The following CACNA1S variants were observed in gnomAD, a reference collection of about 807,000 sequenced individuals.
CACNA1S encodes voltage-dependent L-type calcium channel subunit alpha-1S.
In CACNA1S, 126 loss-of-function variants were observed where a neutral mutation model predicts 207.4. The ratio of observed to expected loss-of-function variants is 0.61; its 90% CI spans 0.53 to 0.70. The LOEUF (loss-of-function observed/expected upper bound fraction) is 0.70. Among genes scored for constraint, CACNA1S ranks in the 30% least tolerant of loss-of-function variants. The pLI is 0.00. For missense variants in CACNA1S, 2,349 were observed against 2,422.8 expected (o/e 0.97, Z 0.64); for synonymous variants, 960 against 932.7 (o/e 1.03, Z -0.53).
At chr1:201,110,683 G>A (rs752062873) in intron 1 of CACNA1S, among the ~76,000 whole-genome samples, 3 of 152,226 alleles carry the variant, frequency 2.0e-5, no homozygotes, top group Non-Finnish European at 4.4e-5. Context: ...TGGCATGGGA[G>A]GGTAAGGGTT....
At chr1:201,072,636 T>C in intron 16 of CACNA1S, 119 bp downstream of exon 16, 1 of 788,972 alleles carries the variant, frequency 1.3e-6, no homozygotes, top group Non-Finnish European at 2.3e-6. Context: ...TGTTCTGATC[T>C]CCACATGGAG....
intron 12 of CACNA1S, 60 bp downstream of exon 12, chr1:201,076,860 G>A: frequency 1.4e-6 from 2 of 1,480,384 alleles, no homozygotes; most frequent in East Asian, 2.3e-5. Context: ...TGATCTTGAA[G>A]GACAAGAAGC....
Position 201,066,213 on chromosome 1 carries a change from C to T in CACNA1S, c.2745+16G>A. The T allele has an allele frequency of 2.5e-6, 4 of 1,611,986 alleles. No individual in the cohort carries two copies. The South Asian group carries it at 4.4e-5, about 18-fold the overall frequency. ...TCCCATTCCTCTCTGGGGCTCCTGC[C>T]CGGGCCCTCTCTCACCTTCAACCCC... On this transcript the variant is annotated intron_variant, in intron 21 of 43. Transcript: ENST00000362061. This position sits in a 1 kb window ranked among gnomAD's most constrained non-coding sequence, Gnocchi z 4.3.
At chr1:201,044,162 G>A (rs1284089605) in intron 39 of CACNA1S, among the ~76,000 whole-genome samples, 166 bp downstream of exon 39, 1 of 151,362 alleles carries the variant, frequency 6.6e-6, no homozygotes, top group Non-Finnish European at 1.5e-5. Context: ...TCAGGTCATT[G>A]ATTCTGAGTC....
intron 17 of CACNA1S, 78 bp downstream of exon 17, chr1:201,070,194 C>A: frequency 6.6e-7 from 1 of 1,511,954 alleles, no homozygotes; most frequent in Non-Finnish European, 9.2e-7. Context: ...CATGGAGAGT[C>A]AGACAGGGTT....
chr1:201,073,827 C>T (rs367970734), intron 14 of CACNA1S, among the ~76,000 whole-genome samples, 185 bp from the exon 15 acceptor site: 3 of 152,124 alleles, frequency 2.0e-5, no homozygotes, highest in Non-Finnish European at 2.9e-5. Flanking sequence ...TGAGAGGGCC[C>T]GACACACAGC....
chr1:201,091,218 G>T (rs1662216305), intron 5 of CACNA1S, among the ~76,000 whole-genome samples: 1 of 152,154 alleles, frequency 6.6e-6, no homozygotes, highest in Admixed American at 6.5e-5. Context: ...GCTCTTGGGT[G>T]TTTTTTCTGA....
In CACNA1S at chr1:201,066,277, C is replaced by T; in HGVS notation, c.2697G>A (p.Leu899=). 1.2e-6 allele frequency: 2 copies of T among 1,613,362 alleles called. No homozygotes were observed. Among genetic ancestry groups the T allele is most frequent in the Non-Finnish European group, 8.5e-7 (1 of 1,179,972 alleles). ...TGGCTCTGAGTGGTCGGAGCACCCT[C>T]AGCACCCTCAGGATCTTCACCACGG... ...AISVVKILRV[L]RVLRPLRAIN... Residue 899 remains leucine (L), a synonymous_variant, in exon 21 of 44, where the codon CTG becomes CTA. Coordinates refer to ENST00000362061, the MANE Select transcript of CACNA1S (RefSeq NM_000069.3). This position sits in a 1 kb window ranked among gnomAD's most constrained non-coding sequence, Gnocchi z 4.3.
chr1:201,040,856 G>A (rs1660152145), intron 41 of CACNA1S, 143 bp from the exon 42 acceptor site: 1 of 680,728 alleles, frequency 1.5e-6, no homozygotes, highest in African/African-American at 1.8e-5. Flanking sequence ...CTTAGAGGGT[G>A]GACACATGAT....
At position 201,075,552 on chromosome 1, in the gene CACNA1S, A is replaced by T; in HGVS notation, c.1891T>A (p.Ser631Thr). 1.9e-6 allele frequency: 3 copies of T among 1,613,730 alleles called. No homozygotes were observed. The highest frequency in any genetic ancestry group is 2.5e-6 in the Non-Finnish European group (3 of 1,179,998). ...YNGIMAYGGP[S>T]YPGMLVCIYF... ...ATGCACACAAGCATGCCAGGGTAGG[A>T]CGGCCCGCCGTAGGCCATGATCCCA... is the stretch of plus-strand genomic sequence containing the variant. Residue 631 changes from serine (S) to threonine (T), a missense_variant, in exon 13 of 44, where the codon TCC becomes ACC. By Grantham distance (58) the Ser-to-Thr change is moderately conservative (BLOSUM62 1). Transcript: ENST00000362061.
chr1:201,065,118 A>G (rs1006347926), intron 22 of CACNA1S, among the ~76,000 whole-genome samples: 14 of 152,218 alleles, frequency 9.2e-5, no homozygotes, highest in African/African-American at 2.9e-4. Flanking sequence ...TACAATGGCA[A>G]CAGTGGTCAG....
rs1227808601 is a variant in CACNA1S at position 201,069,563 on chromosome 1, C to G, written c.2399G>C (p.Trp800Ser). ...GAAGAGCAGGATGAAGTTGGTAAACCAGGTGGCATTGACGATGCGGTGACA... is the reference window on the plus strand; with the variant it reads ...GAAGAGCAGGATGAAGTTGGTAAACGAGGTGGCATTGACGATGCGGTGACA... ...VLCHRIVNATWFTNFILLFIL... is the reference protein window; with the variant it reads ...VLCHRIVNATSFTNFILLFIL... The change falls in exon 18 of 44, where the codon TGG becomes TCG. Residue 800 changes from tryptophan to serine, a missense_variant. Trp to Ser is a radical substitution (Grantham distance 177). Transcript: ENST00000362061. The G allele has an allele frequency of 6.4e-7, 1 of 1,568,744 alleles. No homozygotes were observed. The highest frequency in any genetic ancestry group is 1.2e-5 in the South Asian group (1 of 85,312).
At position 201,091,571 on chromosome 1, in the gene CACNA1S, G is replaced by T. The variant is rs374087182; in HGVS notation, c.694+69C>A. 8.3e-6 allele frequency: 13 copies of T among 1,558,040 alleles called. No individual in the cohort carries two copies. In the East Asian group the frequency reaches 1.6e-4, roughly 19 times the overall value. ...GCTGAGCTCCGGGCTCCTTCACCAG[G>T]TAGGGTGGCTCCCCCTTCTGAGCCA... On this transcript the variant is annotated intron_variant, in intron 5 of 43. Transcript: ENST00000362061.
chr1:201,043,926 C>A (rs1660385608), intron 39 of CACNA1S, among the ~76,000 whole-genome samples: 2 of 152,046 alleles, frequency 1.3e-5, no homozygotes, highest in Admixed American at 6.6e-5. Flanking sequence ...CCAAAAAGAC[C>A]TAACTAGGTG....
chr1:201,043,511 G>A lies in CACNA1S; in HGVS notation c.4818C>T (p.Gly1606=), dbSNP rs146619460. Residue 1606 remains glycine, a synonymous_variant, in exon 40 of 44, where the codon GGC becomes GGT. Transcript: ENST00000362061. ...TCCTTTCCAGGAAGTTGTCCACCTG[G>A]CCAAACAGGCCTCCAGTCCTCTAGG... ...GIFRRTGGLF[G]QVDNFLERTN... is the part of the protein sequence containing the mutation. 25 of 1,613,900 alleles carry A rather than the reference G, an allele frequency of 1.5e-5. No individual in the cohort carries two copies. The African/African-American group carries it at 2.4e-4, about 16-fold the overall frequency.
chr1:201,043,302 C>A lies in CACNA1S; in HGVS notation c.5027G>T (p.Ser1676Ile). 1 of 1,614,214 alleles carries A rather than the reference C, an allele frequency of 6.2e-7. No homozygotes were observed. Among genetic ancestry groups the A allele is most frequent in the Non-Finnish European group, 8.5e-7 (1 of 1,180,044 alleles). The change falls in exon 40 of 44, where the codon AGC (serine) becomes ATC (isoleucine). Residue 1676 changes from serine to isoleucine, a missense_variant. Ser to Ile is a moderately radical substitution (Grantham distance 142, BLOSUM62 -2). Transcript: ENST00000362061. Reference sequence around the variant, plus strand: ...CTACCTGGAAAACACATGGCTGTTGCTATGGTTGCTGTTGCCATAGGCGAC... The same window carrying A: ...CTACCTGGAAAACACATGGCTGTTGATATGGTTGCTGTTGCCATAGGCGAC... ...ANVAYGNSNH[S>I]NSHVFSSVHY...
Position 201,109,800 on chromosome 1 carries a change from A to T in CACNA1S, c.258+364T>A, listed in dbSNP as rs115271096. ...TTTGGGGAAGAGAAATTAGCATTCA[A>T]CCTCTGTGGCTCACTAGCTGACCTT... On this transcript the variant is annotated intron_variant, in intron 2 of 43. Transcript: ENST00000362061. Among the ~76,000 whole-genome samples the T allele has an allele frequency of 2.1e-3, 326 of 152,238 alleles. 1 individual carries two copies. Among genetic ancestry groups the T allele is most frequent in the African/African-American group, 7.4e-3 (308 of 41,524 alleles).
intron 13 of CACNA1S, among the ~76,000 whole-genome samples, chr1:201,075,137 G>A (rs1661560548): frequency 6.6e-6 from 1 of 152,132 alleles, no homozygotes; most frequent in Non-Finnish European, 1.5e-5. Flanking sequence ...CAGGGTCCTG[G>A]TGGCTCCCTG....
In CACNA1S at chr1:201,049,108, G is replaced by C. The variant is rs747013750; in HGVS notation, c.4242-9C>G. ...GGTGTTTGATTCTCCCCCTGCGGGA[G>C]GACACACAGACTTGTGTACCTGCTA... is the stretch of plus-strand genomic sequence containing the variant. On this transcript the variant is annotated splice_polypyrimidine_tract_variant and intron_variant, in intron 34 of 43. Transcript: ENST00000362061. 6.3e-7 allele frequency: 1 copy of C among 1,599,044 alleles called. No individual in the cohort carries two copies.
Sources: gnomAD v4.1 joint callset for allele counts (sites outside exome capture counted in the v4.1 genomes callset) on GRCh38, gnomAD v4.1.1 for gene constraint, Gnocchi (gnomAD v3.1) non-coding constraint, MANE v1.5 for transcripts, NCBI Gene and HGNC (gene_info 2026-07-23, HGNC 2026-07-21) for gene names.